The following SETBP1 variants were observed in gnomAD, a reference collection of about 807,000 sequenced individuals.
SETBP1 encodes SET binding protein 1.
In SETBP1, 9 loss-of-function variants were observed where a neutral mutation model predicts 101.0. The ratio of observed to expected loss-of-function variants is 0.09; its 90% CI spans 0.05 to 0.16. The LOEUF (loss-of-function observed/expected upper bound fraction) is 0.16, where lower values mean the gene tolerates loss of function less well. Ranked by LOEUF, SETBP1 falls within the 10% of genes least tolerant of loss-of-function variation. The pLI is 1.00. For missense variants in SETBP1, 1,858 were observed against 2,033.8 expected (o/e 0.91, Z 1.66); for synonymous variants, 818 against 788.5 (o/e 1.04, Z -0.63).
chr18:45,000,507 AT>A (rs1277580194), intron 4 of SETBP1, among the ~76,000 whole-genome samples: 2 of 152,104 alleles, frequency 1.3e-5, no homozygotes, highest in African/African-American at 4.8e-5. Context: ...TCTGTGGATC[AT>A]TGCAAAGCCC....
chr18:44,905,018 G>A (rs191159934), intron 3 of SETBP1, among the ~76,000 whole-genome samples: 32 of 152,216 alleles, frequency 2.1e-4, no homozygotes, highest in Non-Finnish European at 3.1e-4. Flanking sequence ...AGCAACCTCC[G>A]ACAGGAAGTT....
Position 44,949,998 on chromosome 18 carries a change from A to G in SETBP1, c.658A>G (p.Met220Val). Reference protein sequence around the residue: ...HQQKSSSQNHMDWSTNSDSGP... With the variant: ...HQQKSSSQNHVDWSTNSDSGP... ...GCAAAAAAGCAGCAGCCAGAACCACATGGACTGGTCCACCAACTCTGACAG... is the reference window on the plus strand; with the variant it reads ...GCAAAAAAGCAGCAGCCAGAACCACGTGGACTGGTCCACCAACTCTGACAG... Residue 220 changes from methionine (M) to valine (V), a missense_variant, in exon 4 of 6, where the codon ATG (methionine) becomes GTG (valine). Coordinates refer to ENST00000649279, the MANE Select transcript of SETBP1 (RefSeq NM_015559.3). The G allele has an allele frequency of 1.9e-6, 3 of 1,614,122 alleles. No individual in the cohort carries two copies. Among genetic ancestry groups the G allele is most frequent in the Middle Eastern group, 1.6e-4 (1 of 6,062 alleles).
chr18:44,752,827 C>T (rs995783891), intron 2 of SETBP1, among the ~76,000 whole-genome samples: 5 of 152,134 alleles, frequency 3.3e-5, no homozygotes, highest in Admixed American at 3.3e-4. Context: ...TCATAAGTGG[C>T]CTTCAGGTTC....
chr18:44,877,371 C>G, intron 3 of SETBP1: 1 of 977,376 alleles, frequency 1.0e-6, no homozygotes, highest in Non-Finnish European at 1.2e-6. Context: ...TCTAGTTAAC[C>G]AACACTGAGC....
chr18:44,727,479 T>C (rs1031237441), intron 2 of SETBP1, among the ~76,000 whole-genome samples: 1 of 152,104 alleles, frequency 6.6e-6, no homozygotes, highest in African/African-American at 2.4e-5. Flanking sequence ...CAGCATCACT[T>C]TTCAGTGTGG....
At chr18:44,809,657 G>C (rs932366473) in intron 2 of SETBP1, among the ~76,000 whole-genome samples, 10 of 152,156 alleles carry the variant, frequency 6.6e-5, no homozygotes, top group Non-Finnish European at 1.3e-4. Flanking sequence ...CTTTTAATAA[G>C]AGCTCTGGTC....
In SETBP1 at chr18:45,064,983, T is replaced by G. The variant is rs772820465; in HGVS notation, c.*1285T>G. On this transcript the variant is annotated 3_prime_UTR_variant, in exon 6 of 6. Coordinates refer to ENST00000649279, the MANE Select transcript of SETBP1 (RefSeq NM_015559.3). ...AGCCACCTTGGACAAAGTATCCAAATTGTGGTTGCCTTAATAAACTAAAAC... is the reference window on the plus strand; with the variant it reads ...AGCCACCTTGGACAAAGTATCCAAAGTGTGGTTGCCTTAATAAACTAAAAC... 1.3e-5 allele frequency: 2 copies of G among 152,204 alleles called. No individual in the cohort carries two copies. Among genetic ancestry groups the G allele is most frequent in the Non-Finnish European group, 2.9e-5 (2 of 68,036 alleles). The allele number at this position is 152,204 out of a possible 1,614,324, so 9.4% of individuals were successfully genotyped here.
intron 2 of SETBP1, among the ~76,000 whole-genome samples, chr18:44,797,673 G>A (rs999899119): frequency 4.2e-4 from 64 of 152,176 alleles, no homozygotes; most frequent in African/African-American, 1.5e-3. Context: ...CTTGAACCCA[G>A]TACTCTGGGG....
chr18:44,953,428 C>T (rs917225859), intron 4 of SETBP1, 88 bp downstream of exon 4: 4 of 1,193,788 alleles, frequency 3.4e-6, no homozygotes, highest in Non-Finnish European at 4.9e-6. Context: ...ACATTGTGTT[C>T]ACTAGTTTGC....
chr18:44,874,483 G>T (rs2069351160), intron 3 of SETBP1, among the ~76,000 whole-genome samples: 2 of 152,172 alleles, frequency 1.3e-5, no homozygotes, highest in South Asian at 4.1e-4. Flanking sequence ...AGCCTGTGCT[G>T]TTGGTCCATA....
intron 3 of SETBP1, among the ~76,000 whole-genome samples, chr18:44,922,498 G>A (rs2070605945): frequency 6.6e-6 from 1 of 152,170 alleles, no homozygotes; most frequent in Admixed American, 6.5e-5. Context: ...AGTCATTGTT[G>A]GAATGTAAAG....
intron 5 of SETBP1, among the ~76,000 whole-genome samples, chr18:45,048,595 C>G (rs2073658701): frequency 6.6e-6 from 1 of 152,180 alleles, no homozygotes. Context: ...ATTCAAACAT[C>G]TGTAAGACTT....
At position 44,952,717 on chromosome 18, in the gene SETBP1, G is replaced by T; in HGVS notation, c.3377G>T (p.Gly1126Val). 6.8e-6 allele frequency: 11 copies of T among 1,614,136 alleles called. No homozygotes were observed. Among genetic ancestry groups the T allele is most frequent in the Non-Finnish European group, 8.5e-6 (10 of 1,180,038 alleles). Residue 1126 changes from glycine (G) to valine (V), a missense_variant, in exon 4 of 6, where the codon GGT becomes GTT. By Grantham distance (109) the Gly-to-Val change is moderately radical. Transcript: ENST00000649279. ...CAGGGACCTGTTAGCATGGGCCTTG[G>T]TGACATGCAGCCTTCTCTGAACCCT... ...HLQGPVSMGL[G>V]DMQPSLNPPK...
At chr18:44,832,131 C>CT (rs779776644) in intron 2 of SETBP1, among the ~76,000 whole-genome samples, 2 of 152,080 alleles carry the variant, frequency 1.3e-5, no homozygotes, top group East Asian at 3.8e-4. Context: ...GGAATGAGCC[C>CT]TTTTTTATGA....
At chr18:44,986,899 G>T (rs992904202) in intron 4 of SETBP1, 1 of 102,946 alleles carries the variant, frequency 9.7e-6, no homozygotes, top group Admixed American at 1.0e-4. Flanking sequence ...ACAATAGTTA[G>T]TATAGTATAG....
At chr18:44,981,724 G>T (rs1186025023) in intron 4 of SETBP1, among the ~76,000 whole-genome samples, 3 of 152,184 alleles carry the variant, frequency 2.0e-5, no homozygotes, top group East Asian at 3.9e-4. Context: ...AATAAGGGAA[G>T]AATTTTAAAG....
chr18:44,936,613 GGTGCTGGGAA>G (rs2070963215), intron 3 of SETBP1, among the ~76,000 whole-genome samples: 1 of 152,168 alleles, frequency 6.6e-6, no homozygotes, highest in African/African-American at 2.4e-5. Flanking sequence ...CATAGGAGGG[GGTGCTGGGAA>G]GTCTCTTCTA....
intron 2 of SETBP1, among the ~76,000 whole-genome samples, chr18:44,788,218 A>G (rs1390431921): frequency 6.6e-6 from 1 of 152,102 alleles, no homozygotes; most frequent in Non-Finnish European, 1.5e-5. Context: ...TCTTGGGCAG[A>G]TAGGAGGGAA....
intron 3 of SETBP1, among the ~76,000 whole-genome samples, chr18:44,894,968 A>T (rs2069858360): frequency 6.7e-6 from 1 of 148,308 alleles, no homozygotes; most frequent in Admixed American, 6.8e-5. Context: ...AAAAAAAAAA[A>T]AAGTAGCCAG....
Sources: gnomAD v4.1 joint callset for allele counts (sites outside exome capture counted in the v4.1 genomes callset) on GRCh38, gnomAD v4.1.1 for gene constraint, MANE v1.5 for transcripts, NCBI Gene and HGNC (gene_info 2026-07-23, HGNC 2026-07-21) for gene names.